CAST: variants seen among roughly 807,000 people sequenced by gnomAD.
CAST encodes calpastatin, also known as MIR583 host.
In CAST, 76 loss-of-function variants were observed where a neutral mutation model predicts 119.6. The ratio of observed to expected loss-of-function variants is 0.64; its 90% CI spans 0.53 to 0.77. The LOEUF (loss-of-function observed/expected upper bound fraction) is 0.77. Among genes scored for constraint, CAST ranks in the 30% least tolerant of loss-of-function variants. The pLI is 0.00. For synonymous variants in CAST, 319 were observed against 331.6 expected, an observed-to-expected ratio of 0.96 and a Z score of 0.41; for missense variants, 953 against 946.5, an observed-to-expected ratio of 1.01 and a Z score of -0.09.
At chr5:96,185,286 T>C in the CAST span, among the ~76,000 whole-genome samples, 2 of 152,164 alleles carry the variant, frequency 1.3e-5, no homozygotes, top group African/African-American at 2.4e-5. Flanking sequence ...AATTTTGTCT[T>C]ATTCTGTAGG....
the CAST span, among the ~76,000 whole-genome samples, chr5:96,451,295 A>G: frequency 6.6e-6 from 1 of 152,338 alleles, no homozygotes; most frequent in South Asian, 2.1e-4. Flanking sequence ...TTGAATGAAT[A>G]AATAAATAAG....
rs535331012 is a variant in CAST, at chr5:96,756,063, A to G, written c.1710+1322A>G. On this transcript the variant is annotated intron_variant, in intron 22 of 31. Coordinates refer to ENST00000675179, the MANE Select transcript of CAST (RefSeq NM_001750.7). ...TCTGTAGTCATTTCATCCTCCTCTGACTTACCTCACACGTTATTAGTTACC... is the reference window on the plus strand; with the variant it reads ...TCTGTAGTCATTTCATCCTCCTCTGGCTTACCTCACACGTTATTAGTTACC... 2.0e-5 allele frequency among the ~76,000 whole-genome samples: 3 copies of G among 152,270 alleles called. No individual in the cohort carries two copies. In the South Asian group the frequency reaches 6.2e-4, roughly 32 times the overall value.
At chr5:96,583,841 G>C (rs1215606141) in intron 1 of CAST, among the ~76,000 whole-genome samples, 2 of 152,170 alleles carry the variant, frequency 1.3e-5, no homozygotes, top group Non-Finnish European at 2.9e-5. Context: ...GTCCACTAGT[G>C]AGAACCAAGG....
chr5:96,514,730 CTTGTTTGT>C, the CAST span, among the ~76,000 whole-genome samples: 30 of 151,858 alleles, frequency 2.0e-4, no homozygotes, highest in African/African-American at 5.6e-4. Context: ...TTTCCTCTTG[CTTGTTTGT>C]TTGTTTGTTT....
the CAST span, among the ~76,000 whole-genome samples, chr5:96,292,481 C>T: frequency 3.3e-5 from 5 of 152,260 alleles, no homozygotes; most frequent in Non-Finnish European, 7.4e-5. Context: ...ATTGCTGGTG[C>T]CCAAGCTCTA....
chr5:96,389,062 A>C, the CAST span, among the ~76,000 whole-genome samples: 1 of 152,002 alleles, frequency 6.6e-6, no homozygotes, highest in African/African-American at 2.4e-5. Flanking sequence ...AATAGATGGA[A>C]ATGTAGAGTA....
chr5:96,358,062 G>T, the CAST span, among the ~76,000 whole-genome samples: 1 of 152,088 alleles, frequency 6.6e-6, no homozygotes, highest in South Asian at 2.1e-4. Context: ...GTCTTGGGAG[G>T]GTGTGTGTGT....
the CAST span, among the ~76,000 whole-genome samples, chr5:96,231,948 G>A: frequency 6.6e-6 from 1 of 151,996 alleles, no homozygotes; most frequent in African/African-American, 2.4e-5. Flanking sequence ...TGGATCCTAA[G>A]CTTTTTTTTC....
At chr5:96,412,605 G>T in the CAST span, 1 of 946,528 alleles carries the variant, frequency 1.1e-6, no homozygotes, top group East Asian at 2.6e-5. Context: ...CAAAAACCAG[G>T]TAACTACTAG....
the CAST span, among the ~76,000 whole-genome samples, chr5:96,159,145 T>C: frequency 6.6e-6 from 1 of 152,214 alleles, no homozygotes; most frequent in East Asian, 1.9e-4. Flanking sequence ...ACTGTCCTTT[T>C]TAAAATGCTA....
At chr5:96,429,518 A>G in the CAST span, among the ~76,000 whole-genome samples, 2 of 152,120 alleles carry the variant, frequency 1.3e-5, no homozygotes, top group Non-Finnish European at 2.9e-5. Context: ...AACTTGTGTC[A>G]CGGGGTATTT....
At chr5:96,114,514 G>A in the CAST span, among the ~76,000 whole-genome samples, 1 of 152,160 alleles carries the variant, frequency 6.6e-6, no homozygotes, top group Non-Finnish European at 1.5e-5. Flanking sequence ...AGTGTTTACG[G>A]GTCAAAGAGG....
At chr5:96,190,040 G>A in the CAST span, among the ~76,000 whole-genome samples, 1 of 152,054 alleles carries the variant, frequency 6.6e-6, no homozygotes, top group Non-Finnish European at 1.5e-5. Flanking sequence ...TTCCAAGTTG[G>A]GGGTATTATT....
At chr5:96,366,537 C>T in the CAST span, among the ~76,000 whole-genome samples, 1 of 151,616 alleles carries the variant, frequency 6.6e-6, no homozygotes, top group African/African-American at 2.4e-5. Context: ...CTTTTTACTC[C>T]TTTTTCTCTA....
chr5:96,452,441 A>G, the CAST span, among the ~76,000 whole-genome samples: 2 of 152,060 alleles, frequency 1.3e-5, no homozygotes, highest in African/African-American at 4.8e-5. Context: ...GAGCTGAACA[A>G]TGAGAATACA....
chr5:96,319,152 A>T, the CAST span: 1 of 152,396 alleles, frequency 6.6e-6, no homozygotes, highest in Non-Finnish European at 1.5e-5. Flanking sequence ...AGGGAGCAAG[A>T]GAGATGCCAG....
At chr5:96,482,626 T>C in the CAST span, among the ~76,000 whole-genome samples, 1 of 152,104 alleles carries the variant, frequency 6.6e-6, no homozygotes, top group Non-Finnish European at 1.5e-5. Context: ...TCTTTATTGA[T>C]GATAACAGAT....
At chr5:96,445,919 C>T in the CAST span, among the ~76,000 whole-genome samples, 15 of 152,262 alleles carry the variant, frequency 9.9e-5, no homozygotes, top group African/African-American at 2.4e-4. Flanking sequence ...CAGATCTGGG[C>T]TCACTGCAGC....
At chr5:96,346,394 T>C in the CAST span, among the ~76,000 whole-genome samples, 2 of 152,118 alleles carry the variant, frequency 1.3e-5, no homozygotes, top group Non-Finnish European at 2.9e-5. Context: ...TATAAGAAAG[T>C]TGTGGATCAG....
Sources: gnomAD v4.1 joint callset for allele counts (sites outside exome capture counted in the v4.1 genomes callset) on GRCh38, gnomAD v4.1.1 for gene constraint, MANE v1.5 for transcripts, NCBI Gene and HGNC (gene_info 2026-07-23, HGNC 2026-07-21) for gene names.